The following PHC3 variants were observed in gnomAD, a reference collection of about 807,000 sequenced individuals.
The protein encoded by PHC3 is polyhomeotic-like protein 3.
A neutral mutation model predicts 107.4 loss-of-function variants in PHC3; 13 were observed. The observed-to-expected ratio is 0.12, with a 90% confidence interval of 0.08 to 0.19. The LOEUF (loss-of-function observed/expected upper bound fraction) is 0.19, where lower values mean the gene tolerates loss of function less well. PHC3 is among the 10% of genes least tolerant of loss of function. The pLI is 1.00. For synonymous variants in PHC3, 456 were observed against 427.4 expected (o/e 1.07, Z -0.83); for missense variants, 992 against 1,210.9 (o/e 0.82, Z 2.68).
rs373115706 is a variant in PHC3 at position 170,129,349 on chromosome 3, C to A, written c.1123G>T (p.Ala375Ser). ...IPLQNHGLPP[A>S]PSNAQSQHCS... ...TGCTGTGACTGGGCATTACTGGGAG[C>A]TGGAGGAAGGCCATGGTTCTGGAGT... Residue 375 changes from alanine (A) to serine (S), a missense_variant, in exon 8 of 15, where the codon GCT becomes TCT. Transcript: ENST00000495893. 2 of 1,613,816 alleles carry A rather than the reference C, an allele frequency of 1.2e-6. No individual in the cohort carries two copies. The highest frequency in any genetic ancestry group is 4.5e-5 in the East Asian group (2 of 44,870).
In PHC3 at chr3:170,122,755, A is replaced by G. The variant is rs372475205; in HGVS notation, c.1789-11T>C. 1.1e-4 allele frequency: 179 copies of G among 1,613,294 alleles called. No homozygotes were observed. Among genetic ancestry groups the G allele is most frequent in the Non-Finnish European group, 1.4e-4 (171 of 1,179,520 alleles). On this transcript the variant is annotated splice_polypyrimidine_tract_variant and intron_variant, in intron 8 of 14. Coordinates refer to ENST00000495893, the MANE Select transcript of PHC3 (RefSeq NM_024947.4). ...TTCTACCTGATAAACCTGCAATGACAAACCATACTGCCTTAAAATGTTTCC... is the reference window on the plus strand; with the variant it reads ...TTCTACCTGATAAACCTGCAATGACGAACCATACTGCCTTAAAATGTTTCC...
At chr3:170,108,711 T>G (rs1039674753) in intron 11 of PHC3, among the ~76,000 whole-genome samples, 1 of 152,176 alleles carries the variant, frequency 6.6e-6, no homozygotes, top group Non-Finnish European at 1.5e-5. Context: ...TACTATAATC[T>G]GATCTGACTG....
rs750463123 is a variant in PHC3 at position 170,111,394 on chromosome 3, GAGGAAGGA to G, written c.2353+1958_2353+1965del. The stretch of plus-strand genomic sequence containing the variant: ...AAAGAAAGAAAGAGAGAGAAAGAAA[GAGGAAGGA>G]AGGAAGGAAGGAAGGAAAGAAGGAA... On this transcript the variant is annotated intron_variant, in intron 11 of 14. Transcript: ENST00000495893. Among the ~76,000 whole-genome samples, 196 of 142,128 alleles carry G rather than the reference GAGGAAGGA, an allele frequency of 1.4e-3. 1 individual carries two copies. Among genetic ancestry groups the G allele is most frequent in the Middle Eastern group, 7.5e-3 (2 of 266 alleles). 93.2% of individuals were successfully genotyped at this position (142,128 alleles called of 152,430 possible).
At chr3:170,134,462 T>C (rs2108498488) in intron 7 of PHC3, among the ~76,000 whole-genome samples, 1 of 152,184 alleles carries the variant, frequency 6.6e-6, no homozygotes, top group Non-Finnish European at 1.5e-5. Flanking sequence ...AGTGCTGGGA[T>C]TATAGATGTG....
At chr3:170,181,290 G>C (rs1401824859) in intron 1 of PHC3, among the ~76,000 whole-genome samples, 3 of 152,160 alleles carry the variant, frequency 2.0e-5, no homozygotes, top group Admixed American at 2.0e-4. Flanking sequence ...AGGAGGCCTG[G>C]CAGTGCCCGC....
chr3:170,170,526 T>G (rs934464131), intron 4 of PHC3: 1 of 151,952 alleles, frequency 6.6e-6, no homozygotes, highest in African/African-American at 2.4e-5. Flanking sequence ...ACTGTATCAA[T>G]GTTATATTTC....
chr3:170,145,120 T>C (rs946249188), intron 6 of PHC3, among the ~76,000 whole-genome samples: 1 of 152,316 alleles, frequency 6.6e-6, no homozygotes, highest in Admixed American at 6.5e-5. Context: ...AAAGAATATA[T>C]CTCACATGAG....
At chr3:170,151,795 T>G (rs1726028790) in intron 4 of PHC3, among the ~76,000 whole-genome samples, 1 of 152,032 alleles carries the variant, frequency 6.6e-6, no homozygotes, top group Admixed American at 6.6e-5. Flanking sequence ...TTACACCAGG[T>G]AGGGGTATAG....
intron 11 of PHC3, among the ~76,000 whole-genome samples, 176 bp downstream of exon 11, chr3:170,113,184 T>C (rs1718168538): frequency 6.6e-6 from 1 of 152,254 alleles, no homozygotes; most frequent in Non-Finnish European, 1.5e-5. Flanking sequence ...ATTTTAGTTA[T>C]GTGACCATTG....
At chr3:170,154,637 G>A (rs1366600116) in intron 4 of PHC3, among the ~76,000 whole-genome samples, 2 of 152,182 alleles carry the variant, frequency 1.3e-5, no homozygotes, top group Admixed American at 1.3e-4. Flanking sequence ...AAAGAAAAGA[G>A]GAAGTGAAGA....
intron 9 of PHC3, among the ~76,000 whole-genome samples, chr3:170,118,779 T>C (rs1719563149): frequency 6.6e-6 from 1 of 151,938 alleles, no homozygotes; most frequent in Non-Finnish European, 1.5e-5. Flanking sequence ...CCAGCTGGTC[T>C]GGAATTCCTA....
intron 3 of PHC3, among the ~76,000 whole-genome samples, chr3:170,172,285 G>T (rs1411654247): frequency 6.6e-6 from 1 of 151,780 alleles, no homozygotes; most frequent in East Asian, 1.9e-4. Context: ...ACTCACTGTT[G>T]TACCTAGAAC....
At chr3:170,141,271 A>G (rs1213437237) in intron 6 of PHC3, among the ~76,000 whole-genome samples, 1 of 152,198 alleles carries the variant, frequency 6.6e-6, no homozygotes, top group African/African-American at 2.4e-5. Flanking sequence ...CCAATGCCAG[A>G]CTCACTCACT....
rs1713849130 is a variant in PHC3 at position 170,089,484 on chromosome 3, T to G, written c.*7746A>C. On this transcript the variant is annotated 3_prime_UTR_variant, in exon 15 of 15. Transcript: ENST00000495893. ...CTAGAATATTACTGATTCTTACATA[T>G]CTTTAAAAGTTGGATATTTGTAATA... 2 of 152,374 alleles carry G rather than the reference T, an allele frequency of 1.3e-5. No individual in the cohort carries two copies. Among genetic ancestry groups the G allele is most frequent in the African/African-American group, 4.8e-5 (2 of 41,590 alleles). The allele number at this position is 152,374 out of a possible 1,614,324, so 9.4% of individuals were successfully genotyped here.
At chr3:170,115,705 C>A (rs1718796386) in intron 10 of PHC3, among the ~76,000 whole-genome samples, 1 of 152,122 alleles carries the variant, frequency 6.6e-6, no homozygotes, top group Non-Finnish European at 1.5e-5. Flanking sequence ...ACATTTAGTT[C>A]TCTCGACAAC....
intron 11 of PHC3, among the ~76,000 whole-genome samples, chr3:170,107,882 A>C (rs953132097): frequency 2.6e-5 from 4 of 152,146 alleles, no homozygotes; most frequent in African/African-American, 9.7e-5. Context: ...ATAAGCAAAC[A>C]ACTAAATCTT....
chr3:170,124,388 A>G (rs1720934158), intron 8 of PHC3, among the ~76,000 whole-genome samples: 3 of 152,080 alleles, frequency 2.0e-5, no homozygotes, highest in African/African-American at 7.2e-5. Flanking sequence ...TTCCCATTAA[A>G]AAAGTGTTTT....
chr3:170,180,861 CG>C (rs1208990163), intron 1 of PHC3, among the ~76,000 whole-genome samples: 1 of 152,202 alleles, frequency 6.6e-6, no homozygotes, highest in Non-Finnish European at 1.5e-5. Flanking sequence ...GTCTAAACAT[CG>C]GTTGAGCGGA....
chr3:170,172,573 C>A lies in PHC3; in HGVS notation c.320G>T (p.Ser107Ile). The A allele has an allele frequency of 6.2e-7, 1 of 1,613,274 alleles. No homozygotes were observed. The highest frequency in any genetic ancestry group is 8.5e-7 in the Non-Finnish European group (1 of 1,179,740). Residue 107 changes from serine (S) to isoleucine (I), a missense_variant, in exon 3 of 15, where the codon AGC becomes ATC. Transcript: ENST00000495893. ...QQHLSSSQLQ[S>I]LAAVQASLSS... ...TAGTCTTACCTGAACAGCAGCAAGG[C>A]TCTGAAGCTGGGAGCTGCTTAAATG...
Sources: gnomAD v4.1 joint callset for allele counts (sites outside exome capture counted in the v4.1 genomes callset) on GRCh38, gnomAD v4.1.1 for gene constraint, MANE v1.5 for transcripts, NCBI Gene and HGNC (gene_info 2026-07-23, HGNC 2026-07-21) for gene names.